Variants in GNG7 observed in about 807,000 individuals in gnomAD.
The protein encoded by GNG7 is G protein subunit gamma 7.
In GNG7, 1 loss-of-function variant was observed where a neutral mutation model predicts 4.0. That is an observed-to-expected ratio of 0.25 (90% CI 0.09 to 1.18). GNG7 has a LOEUF of 1.18. GNG7 is among the 50% of genes most tolerant of loss of function. The pLI is 0.50. For synonymous variants in GNG7, 34 were observed against 36.9 expected, an observed-to-expected ratio of 0.92 and a Z score of 0.29; for missense variants, 86 against 91.9, an observed-to-expected ratio of 0.94 and a Z score of 0.26.
In GNG7 at chr19:2,614,413, A is replaced by C. The variant is rs75202634; in HGVS notation, c.-78+31811T>G. Among the ~76,000 whole-genome samples the C allele has an allele frequency of 0.045, 6,903 of 151,994 alleles. 514 individuals are homozygous for C. The highest frequency in any genetic ancestry group is 0.16 in the African/African-American group (6,557 of 41,398). On this transcript the variant is annotated intron_variant, in intron 2 of 4. Transcript: ENST00000382159. The surrounding 1 kb of genome is among the most constrained non-coding windows in gnomAD (Gnocchi z 6.0). ...AGCTCTAGAACATTCTCAGCCCCCCAAAAAGACACCCCATCCCTATCAGCT... is the reference window on the plus strand; with the variant it reads ...AGCTCTAGAACATTCTCAGCCCCCCCAAAAGACACCCCATCCCTATCAGCT...
In GNG7 at chr19:2,634,941, G is replaced by A. The variant is rs962465782; in HGVS notation, c.-78+11283C>T. On this transcript the variant is annotated intron_variant, in intron 2 of 4. Transcript: ENST00000382159. The surrounding 1 kb of genome is among the most constrained non-coding windows in gnomAD (Gnocchi z 5.3). ...AAGGAGCTACCAGAAAAACACACTCGGTGATCTGGAGGTCGCAAAGTTCTT... is the reference window on the plus strand; with the variant it reads ...AAGGAGCTACCAGAAAAACACACTCAGTGATCTGGAGGTCGCAAAGTTCTT... 2.0e-5 allele frequency among the ~76,000 whole-genome samples: 3 copies of A among 151,930 alleles called. No homozygotes were observed. Among genetic ancestry groups the A allele is most frequent in the Non-Finnish European group, 4.4e-5 (3 of 68,014 alleles).
rs181176147 is a variant in GNG7, at chr19:2,669,217, C to T, written c.-134-22937G>A. 9.9e-5 allele frequency among the ~76,000 whole-genome samples: 15 copies of T among 152,242 alleles called. No individual in the cohort carries two copies. In the East Asian group the frequency reaches 1.4e-3, roughly 14 times the overall value. ...CAGAAAACTACCGCTGTGGGTTGGG[C>T]GCGGTGGCTCACACCTGCCATCCCA... On this transcript the variant is annotated intron_variant, in intron 1 of 4. Coordinates refer to ENST00000382159, the MANE Select transcript of GNG7 (RefSeq NM_052847.3).
intron 1 of GNG7, among the ~76,000 whole-genome samples, chr19:2,649,420 C>T (rs1021935675): frequency 1.7e-4 from 11 of 63,262 alleles, no homozygotes; most frequent in African/African-American, 5.3e-4. Flanking sequence ...CTTTTTGAGA[C>T]GGAGTCTTGC....
At chr19:2,672,381 C>T (rs1050742007) in intron 1 of GNG7, among the ~76,000 whole-genome samples, 4 of 151,830 alleles carry the variant, frequency 2.6e-5, no homozygotes, top group South Asian at 2.1e-4. Flanking sequence ...GTCTAGAACT[C>T]CCAGCCTCAA....
intron 1 of GNG7, among the ~76,000 whole-genome samples, chr19:2,658,956 C>T (rs146373791): frequency 5.3e-5 from 8 of 150,400 alleles, no homozygotes; most frequent in African/African-American, 2.0e-4. Context: ...AGTTGTATCA[C>T]GAACCAAGCG....
rs958836819 is a variant in GNG7, at chr19:2,546,342, C to T, written c.-38+8807G>A. On this transcript the variant is annotated intron_variant, in intron 3 of 4. Transcript: ENST00000382159. This position sits in a 1 kb window ranked among gnomAD's most constrained non-coding sequence, Gnocchi z 6.3. ...TCCAGGGCCAGGTCGCCCAGCAGGG[C>T]CTGGGAGGGCGGCTGTGTGTGGGGC... is the stretch of plus-strand genomic sequence containing the variant. 1.3e-5 allele frequency among the ~76,000 whole-genome samples: 2 copies of T among 152,242 alleles called. No individual in the cohort carries two copies. The highest frequency in any genetic ancestry group is 4.8e-5 in the African/African-American group (2 of 41,474).
intron 1 of GNG7, among the ~76,000 whole-genome samples, chr19:2,701,819 ACAC>A (rs1216650637): frequency 6.7e-6 from 1 of 149,348 alleles, no homozygotes; most frequent in Non-Finnish European, 1.5e-5. Flanking sequence ...TCAACCCCCA[ACAC>A]CATCCCCAGC....
intron 2 of GNG7, among the ~76,000 whole-genome samples, chr19:2,559,485 G>C (rs1979670083): frequency 6.6e-6 from 1 of 151,432 alleles, no homozygotes; most frequent in Non-Finnish European, 1.5e-5. Flanking sequence ...CAGAGTAGCT[G>C]GGATTACAGG....
At chr19:2,671,143 G>C (rs901157608) in intron 1 of GNG7, among the ~76,000 whole-genome samples, 1 of 151,952 alleles carries the variant, frequency 6.6e-6, no homozygotes, top group Non-Finnish European at 1.5e-5. Flanking sequence ...GTGCTGAGCA[G>C]CATCCTTGGC....
At chr19:2,571,784 C>CGG (rs553732061) in intron 2 of GNG7, among the ~76,000 whole-genome samples, 6 of 151,550 alleles carry the variant, frequency 4.0e-5, no homozygotes, top group South Asian at 4.2e-4. Context: ...TCAGTAGAGA[C>CGG]GGGGTTTCAC....
At chr19:2,537,514 C>T (rs148202331) in intron 3 of GNG7, among the ~76,000 whole-genome samples, 118 of 152,238 alleles carry the variant, frequency 7.8e-4, no homozygotes, top group African/African-American at 2.6e-3. Context: ...GGGCTGCAAG[C>T]GTGAGCCATG....
intron 3 of GNG7, among the ~76,000 whole-genome samples, chr19:2,539,540 G>A (rs1179233247): frequency 2.0e-5 from 3 of 151,460 alleles, no homozygotes; most frequent in African/African-American, 7.3e-5. Context: ...CCTGAACTCA[G>A]GTGATCTGCC....
chr19:2,633,685 C>T lies in GNG7; in HGVS notation c.-78+12539G>A, dbSNP rs1982231817. Among the ~76,000 whole-genome samples, 2 of 151,986 alleles carry T rather than the reference C, an allele frequency of 1.3e-5. No individual in the cohort carries two copies. The highest frequency in any genetic ancestry group is 1.3e-4 in the Admixed American group (2 of 15,260). ...GATTCATTGAGAGGACATCGGTGGG[C>T]TTGAAAACGGGTGTCTGTTTACCGG... On this transcript the variant is annotated intron_variant, in intron 2 of 4. Transcript: ENST00000382159. The surrounding 1 kb of genome is among the most constrained non-coding windows in gnomAD (Gnocchi z 5.9).
At chr19:2,547,918 G>A (rs894159434) in intron 3 of GNG7, among the ~76,000 whole-genome samples, 3 of 152,338 alleles carry the variant, frequency 2.0e-5, no homozygotes, top group African/African-American at 7.2e-5. Flanking sequence ...ACCCCTCTGG[G>A]CTCTGCAGCA....
At position 2,515,140 on chromosome 19, in the gene GNG7, T is replaced by C. The variant is rs1972715744; in HGVS notation, c.89A>G (p.Lys30Arg). 2 of 1,613,678 alleles carry C rather than the reference T, an allele frequency of 1.2e-6. No individual in the cohort carries two copies. The highest frequency in any genetic ancestry group is 1.3e-5 in the African/African-American group (1 of 74,850). Residue 30 changes from lysine to arginine, a missense_variant, in exon 5 of 5, where the codon AAA (lysine) becomes AGA (arginine). Lys to Arg is a conservative substitution (Grantham distance 26). Coordinates refer to ENST00000382159, the MANE Select transcript of GNG7 (RefSeq NM_052847.3). ...GTAGCTCATGAGGTCAGACGCCGCTTTGGAGACCTGTGTTTGAGCACAAGG... is the reference window on the plus strand; with the variant it reads ...GTAGCTCATGAGGTCAGACGCCGCTCTGGAGACCTGTGTTTGAGCACAAGG... Reference protein sequence around the residue: ...EAGIERIKVSKAASDLMSYCE... With the variant: ...EAGIERIKVSRAASDLMSYCE...
chr19:2,624,528 C>CAAAAAAAAAAAAAA (rs921061279), intron 2 of GNG7, among the ~76,000 whole-genome samples: 2 of 62,386 alleles, frequency 3.2e-5, no homozygotes, highest in Non-Finnish European at 7.1e-5. Flanking sequence ...GACTCCGTCT[C>CAAAAAAAAAAAAAA]AAAAAAAAAA....
intron 3 of GNG7, among the ~76,000 whole-genome samples, chr19:2,540,986 G>A (rs892450991): frequency 7.2e-5 from 11 of 152,258 alleles, no homozygotes; most frequent in African/African-American, 2.7e-4. Context: ...GCAGCCGGTG[G>A]AGGCTTCTGA....
chr19:2,514,857 T>G lies in GNG7; in HGVS notation c.*165A>C. The G allele has an allele frequency of 1.2e-5, 7 of 599,592 alleles. No homozygotes were observed. The highest frequency in any genetic ancestry group is 1.4e-5 in the Non-Finnish European group (5 of 348,492). The allele number at this position is 599,592 out of a possible 1,614,324, so 37.1% of individuals were successfully genotyped here. ...CCCCATCCGGGCGGTGGGAACGCCT[T>G]TTTTGGCGGGGAGAGGGGGGATTTC... On this transcript the variant is annotated 3_prime_UTR_variant, in exon 5 of 5. Transcript: ENST00000382159.
intron 1 of GNG7, among the ~76,000 whole-genome samples, chr19:2,655,334 A>G (rs1033441176): frequency 1.3e-5 from 2 of 152,180 alleles, no homozygotes; most frequent in African/African-American, 4.8e-5. Context: ...GCTGAAGATC[A>G]TTAATCAGCC....
Sources: gnomAD v4.1 joint callset for allele counts (sites outside exome capture counted in the v4.1 genomes callset) on GRCh38, gnomAD v4.1.1 for gene constraint, Gnocchi (gnomAD v3.1) non-coding constraint, MANE v1.5 for transcripts, NCBI Gene and HGNC (gene_info 2026-07-23, HGNC 2026-07-21) for gene names.